Variants in NT5C2 observed in about 807,000 individuals in gnomAD.
The protein encoded by NT5C2 is cytosolic purine 5'-nucleotidase.
NT5C2 carries 58 observed loss-of-function variants against 76.1 expected under a neutral mutation model. The ratio of observed to expected loss-of-function variants is 0.76; its 90% CI spans 0.62 to 0.95. NT5C2 has a LOEUF of 0.95. Among genes scored for constraint, NT5C2 ranks in the 40% least tolerant of loss-of-function variants. The pLI is 0.00. For missense variants in NT5C2, 478 were observed against 690.3 expected, an observed-to-expected ratio of 0.69 and a Z score of 3.45; for synonymous variants, 229 against 237.4, an observed-to-expected ratio of 0.96 and a Z score of 0.32.
chr10:103,164,857 A>T (rs2085963612), intron 3 of NT5C2, among the ~76,000 whole-genome samples: 1 of 152,176 alleles, frequency 6.6e-6, no homozygotes, highest in Non-Finnish European at 1.5e-5. Context: ...CTTCCATGCC[A>T]CCAATACCAC....
intron 3 of NT5C2, among the ~76,000 whole-genome samples, chr10:103,150,486 G>A (rs1188486937): frequency 5.9e-5 from 9 of 152,310 alleles, no homozygotes; most frequent in African/African-American, 2.2e-4. Flanking sequence ...GCTACAAACA[G>A]TCACATACAA....
chr10:103,183,923 A>C (rs950955280), intron 1 of NT5C2, among the ~76,000 whole-genome samples: 4 of 151,934 alleles, frequency 2.6e-5, no homozygotes, highest in African/African-American at 9.7e-5. Flanking sequence ...CTCATCTTTT[A>C]AATAGTTCAT....
chr10:103,091,558 A>T lies in NT5C2; in HGVS notation c.1211+6T>A. 3.1e-6 allele frequency: 5 copies of T among 1,609,638 alleles called. No homozygotes were observed. The highest frequency in any genetic ancestry group is 4.2e-6 in the Non-Finnish European group (5 of 1,176,650). Reference sequence around the variant, plus strand: ...TTTTTGGGAAAGAAATTTTTAGAAAACTTACTTGTAGAGTTCAGCCAAGAA... The same window carrying T: ...TTTTTGGGAAAGAAATTTTTAGAAATCTTACTTGTAGAGTTCAGCCAAGAA... On this transcript the variant is annotated splice_donor_region_variant and intron_variant, in intron 16 of 18. Coordinates refer to ENST00000404739, the MANE Select transcript of NT5C2 (RefSeq NM_001351169.2).
At chr10:103,093,936 G>T in intron 14 of NT5C2, 36 bp downstream of exon 14, 2 of 1,504,486 alleles carry the variant, frequency 1.3e-6, no homozygotes, top group Non-Finnish European at 1.9e-6. Context: ...TGAGGTCTGA[G>T]CAAAGACATT....
At chr10:103,192,345 A>C (rs1179641987) in intron 1 of NT5C2, among the ~76,000 whole-genome samples, 1 of 152,172 alleles carries the variant, frequency 6.6e-6, no homozygotes, top group Non-Finnish European at 1.5e-5. Flanking sequence ...GACCCCCCTC[A>C]AACATCAAGG....
chr10:103,114,307 T>G (rs1251979792), intron 4 of NT5C2, among the ~76,000 whole-genome samples: 1 of 152,046 alleles, frequency 6.6e-6, no homozygotes, highest in Non-Finnish European at 1.5e-5. Flanking sequence ...CCTGTCGTGG[T>G]GGCACGTGCC....
chr10:103,166,138 GAC>G (rs1193858630), intron 3 of NT5C2, among the ~76,000 whole-genome samples: 1 of 152,212 alleles, frequency 6.6e-6, no homozygotes, highest in Non-Finnish European at 1.5e-5. Context: ...AATTGACATT[GAC>G]ACAATTCACA....
intron 3 of NT5C2, among the ~76,000 whole-genome samples, chr10:103,149,810 T>C (rs2082093970): frequency 6.9e-6 from 1 of 144,930 alleles, no homozygotes. Context: ...TAAAAACAAA[T>C]AATAAAATTC....
chr10:103,192,614 C>G (rs933852034), intron 1 of NT5C2, among the ~76,000 whole-genome samples: 3 of 152,180 alleles, frequency 2.0e-5, no homozygotes, highest in African/African-American at 7.2e-5. Flanking sequence ...TTCGCTGTGA[C>G]CTTTCCAGGA....
Position 103,141,730 on chromosome 10 carries a change from AAT to A in NT5C2, c.102-2253_102-2252del, listed in dbSNP as rs1227884187. Among the ~76,000 whole-genome samples the A allele has an allele frequency of 2.0e-5, 3 of 152,192 alleles. No individual in the cohort carries two copies. The East Asian group carries it at 5.8e-4, about 29-fold the overall frequency. On this transcript the variant is annotated intron_variant, in intron 3 of 18. Coordinates refer to ENST00000404739, the MANE Select transcript of NT5C2 (RefSeq NM_001351169.2). ...TCATTTAAAGCCCACTGAAGATAAAAATATAGACTAATTAAATAAATAGCTAC... is the reference window on the plus strand; with the variant it reads ...TCATTTAAAGCCCACTGAAGATAAAAATAGACTAATTAAATAAATAGCTAC...
intron 3 of NT5C2, among the ~76,000 whole-genome samples, chr10:103,144,053 T>TCTA (rs1309954515): frequency 2.0e-5 from 3 of 152,204 alleles, no homozygotes; most frequent in Non-Finnish European, 4.4e-5. Context: ...GATAAAAGCA[T>TCTA]CTACTTTATT....
At chr10:103,166,437 A>G (rs1591665866) in intron 3 of NT5C2, among the ~76,000 whole-genome samples, 1 of 152,222 alleles carries the variant, frequency 6.6e-6, no homozygotes, top group Non-Finnish European at 1.5e-5. Flanking sequence ...CTCTTGAGAT[A>G]TATCAAAGCT....
chr10:103,143,787 C>T (rs894188491), intron 3 of NT5C2, among the ~76,000 whole-genome samples: 3 of 151,728 alleles, frequency 2.0e-5, no homozygotes, highest in Admixed American at 6.6e-5. Context: ...GAGACCCTAT[C>T]TCAACAAAAA....
At chr10:103,091,398 T>G (rs1224610646) in intron 16 of NT5C2, among the ~76,000 whole-genome samples, 166 bp downstream of exon 16, 2 of 151,228 alleles carry the variant, frequency 1.3e-5, no homozygotes, top group Non-Finnish European at 2.9e-5. Context: ...CAGGCTGGAG[T>G]GCAATGGTGC....
intron 4 of NT5C2, among the ~76,000 whole-genome samples, chr10:103,122,369 G>T (rs1195013199): frequency 1.3e-5 from 2 of 152,154 alleles, no homozygotes; most frequent in East Asian, 3.8e-4. Flanking sequence ...CCCAGGCAGG[G>T]TTTTCATTTG....
chr10:103,159,544 G>A (rs2084287786), intron 3 of NT5C2, among the ~76,000 whole-genome samples: 14 of 151,724 alleles, frequency 9.2e-5, no homozygotes. Context: ...AGCTACTTGA[G>A]AAGCTGAGGT....
intron 3 of NT5C2, among the ~76,000 whole-genome samples, chr10:103,143,648 G>A (rs2080975010): frequency 8.1e-6 from 1 of 123,942 alleles, no homozygotes; most frequent in African/African-American, 3.1e-5. Context: ...GATGGCCTTG[G>A]AGACTTTTTT....
chr10:103,132,499 G>A (rs1403335871), intron 4 of NT5C2, among the ~76,000 whole-genome samples: 1 of 152,046 alleles, frequency 6.6e-6, no homozygotes, highest in Non-Finnish European at 1.5e-5. Flanking sequence ...AGAGGGGAAA[G>A]GAGAACTCTC....
At position 103,089,030 on chromosome 10, in the gene NT5C2, A is replaced by AAGGTAATAAGGATACTGTCTT. The variant is rs1448052750; in HGVS notation, c.*621_*641dup. ...AGCATTTGTGCTATTAAACAAACAAAAGGTAATAAGGATACTGTCTTTTCC... is the reference window on the plus strand; with the variant it reads ...AGCATTTGTGCTATTAAACAAACAAAAGGTAATAAGGATACTGTCTTAGGTAATAAGGATACTGTCTTTTCC... On this transcript the variant is annotated 3_prime_UTR_variant, in exon 19 of 19. Coordinates refer to ENST00000404739, the MANE Select transcript of NT5C2 (RefSeq NM_001351169.2). 4.7e-6 allele frequency: 1 copy of AAGGTAATAAGGATACTGTCTT among 214,642 alleles called. No homozygotes were observed. Among genetic ancestry groups the AAGGTAATAAGGATACTGTCTT allele is most frequent in the Non-Finnish European group, 9.4e-6 (1 of 106,380 alleles). The allele number at this position is 214,642 out of a possible 1,614,324, so 13.3% of individuals were successfully genotyped here. A position where few individuals can be genotyped will look rare whatever the true frequency, so the allele number is the denominator to read the frequency against.
Sources: allele counts gnomAD v4.1 joint callset (sites outside exome capture counted in the v4.1 genomes callset), GRCh38; gene constraint gnomAD v4.1.1; transcripts MANE v1.5; gene names NCBI Gene and HGNC (gene_info 2026-07-23, HGNC 2026-07-21).